The following NRCAM variants were observed in gnomAD, a reference collection of about 807,000 sequenced individuals.
NRCAM encodes neuronal cell adhesion molecule.
NRCAM carries 83 observed loss-of-function variants against 156.5 expected under a neutral mutation model. That is an observed-to-expected ratio of 0.53 (90% CI 0.44 to 0.64). The LOEUF (loss-of-function observed/expected upper bound fraction) is 0.64. Among genes scored for constraint, NRCAM ranks in the 30% least tolerant of loss-of-function variants. The probability of loss-of-function intolerance (pLI) is 0.00; values close to 1 mark genes in which losing one functional copy is unlikely to be tolerated. For synonymous variants in NRCAM, 538 were observed against 563.9 expected (o/e 0.95, Z 0.65); for missense variants, 1,417 against 1,597.3 (o/e 0.89, Z 1.92).
chr7:108,440,180 T>TA (rs944702330), intron 1 of NRCAM, among the ~76,000 whole-genome samples: 25 of 152,168 alleles, frequency 1.6e-4, no homozygotes, highest in African/African-American at 5.8e-4. Context: ...ATACCACTGA[T>TA]ACGTGTTACA....
chr7:108,237,257 A>G (rs1159587873), intron 5 of NRCAM, among the ~76,000 whole-genome samples: 1 of 152,152 alleles, frequency 6.6e-6, no homozygotes, highest in Non-Finnish European at 1.5e-5. Context: ...CAAGATTCAA[A>G]TTCGCTGGGT....
chr7:108,410,379 G>T (rs1793944569), intron 1 of NRCAM, among the ~76,000 whole-genome samples: 1 of 152,116 alleles, frequency 6.6e-6, no homozygotes, highest in South Asian at 2.1e-4. Flanking sequence ...GAAAGACTAG[G>T]GGATAATTTT....
chr7:108,177,716 CGT>C (rs1363325434), intron 26 of NRCAM, among the ~76,000 whole-genome samples: 86 of 31,994 alleles, frequency 2.7e-3, no homozygotes, highest in African/African-American at 3.9e-3. Flanking sequence ...TATATATATA[CGT>C]GTGTATATAT....
intron 1 of NRCAM, among the ~76,000 whole-genome samples, chr7:108,439,501 G>T (rs1310488335): frequency 2.0e-5 from 3 of 152,114 alleles, no homozygotes; most frequent in Admixed American, 6.6e-5. Context: ...AGCCATTAGG[G>T]GAGTGCAAGT....
intron 32 of NRCAM, chr7:108,156,217 G>T: frequency 1.3e-6 from 1 of 786,590 alleles, no homozygotes; most frequent in Non-Finnish European, 1.5e-6. Context: ...ATGAGCATGG[G>T]TTAGCATGCT....
chr7:108,166,543 C>T (rs561932450), intron 30 of NRCAM, among the ~76,000 whole-genome samples: 1 of 151,902 alleles, frequency 6.6e-6, no homozygotes, highest in African/African-American at 2.4e-5. Context: ...CTACCGCGCC[C>T]GGCCAGAATT....
intron 2 of NRCAM, among the ~76,000 whole-genome samples, chr7:108,315,420 T>C (rs2098898651): frequency 6.6e-6 from 1 of 152,204 alleles, no homozygotes; most frequent in Admixed American, 6.5e-5. Flanking sequence ...CAGCCGCTAA[T>C]TCAGCTTGAC....
intron 28 of NRCAM, among the ~76,000 whole-genome samples, chr7:108,173,769 T>C (rs2059433112): frequency 1.3e-5 from 2 of 152,214 alleles, no homozygotes; most frequent in African/African-American, 4.8e-5. Flanking sequence ...TGCTTGTCTC[T>C]CTAATCATAA....
chr7:108,414,904 T>G (rs1386141614), intron 1 of NRCAM, among the ~76,000 whole-genome samples: 2 of 151,964 alleles, frequency 1.3e-5, no homozygotes, highest in African/African-American at 2.4e-5. Flanking sequence ...TGAAGGACAT[T>G]GGGTTTCCCT....
intron 3 of NRCAM, among the ~76,000 whole-genome samples, chr7:108,294,868 T>C (rs1287693923): frequency 6.6e-6 from 1 of 152,148 alleles, no homozygotes; most frequent in Non-Finnish European, 1.5e-5. Flanking sequence ...TGGTGCCAAG[T>C]TGTCTGCCCC....
At position 108,191,261 on chromosome 7, in the gene NRCAM, G is replaced by A. The variant is rs563468799; in HGVS notation, c.1926C>T (p.Pro642=). The change falls in exon 19 of 33, where the codon CCC becomes CCT. Residue 642 remains proline, a synonymous_variant. Coordinates refer to ENST00000379028, the MANE Select transcript of NRCAM (RefSeq NM_001037132.4). Reference sequence around the variant, plus strand: ...AGACTCATATTAGTTTACCGTAAACGGGAGCTGGAGTTGGAGTAGGAGCTA... The same window carrying A: ...AGACTCATATTAGTTTACCGTAAACAGGAGCTGGAGTTGGAGTAGGAGCTA... The part of the protein sequence containing the change: ...SVVAPTPTPA[P]VYDVPNPPFD... The A allele has an allele frequency of 1.6e-5, 25 of 1,605,410 alleles. No homozygotes were observed. Among genetic ancestry groups the A allele is most frequent in the African/African-American group, 1.1e-4 (8 of 74,850 alleles).
intron 1 of NRCAM, among the ~76,000 whole-genome samples, chr7:108,425,089 T>C (rs999566002): frequency 6.6e-6 from 1 of 152,108 alleles, no homozygotes; most frequent in Non-Finnish European, 1.5e-5. Flanking sequence ...TTCATGGAAA[T>C]TTTTTGCAAG....
intron 2 of NRCAM, among the ~76,000 whole-genome samples, chr7:108,364,484 C>T (rs1285450090): frequency 6.6e-6 from 1 of 152,052 alleles, no homozygotes; most frequent in Non-Finnish European, 1.5e-5. Flanking sequence ...TACTATATGA[C>T]CCAGAGATTC....
At chr7:108,362,239 A>G (rs1200704937) in intron 2 of NRCAM, among the ~76,000 whole-genome samples, 1 of 152,206 alleles carries the variant, frequency 6.6e-6, no homozygotes, top group Non-Finnish European at 1.5e-5. Flanking sequence ...CAAGTGGAGA[A>G]AGGAGTGAGG....
At chr7:108,301,889 T>C (rs1349069114) in intron 3 of NRCAM, among the ~76,000 whole-genome samples, 1 of 152,170 alleles carries the variant, frequency 6.6e-6, no homozygotes, top group African/African-American at 2.4e-5. Flanking sequence ...TAGGACACTA[T>C]TTCTGAGACT....
chr7:108,260,936 T>A (rs2096865362), intron 3 of NRCAM, among the ~76,000 whole-genome samples: 1 of 152,094 alleles, frequency 6.6e-6, no homozygotes, highest in Non-Finnish European at 1.5e-5. Context: ...CTAGGTACAT[T>A]GGAAGTATCA....
rs1171457154 is a variant in NRCAM, at chr7:108,382,687, C to A, written c.-174+16749G>T. Among the ~76,000 whole-genome samples, 12 of 152,146 alleles carry A rather than the reference C, an allele frequency of 7.9e-5. No homozygotes were observed. The South Asian group carries it at 2.5e-3, about 31-fold the overall frequency. ...GTAGAGGTACCCTGGCATCTAAGTA[C>A]TAGCACTGAGTCTCCAGATTAAGCA... On this transcript the variant is annotated intron_variant, in intron 2 of 32. Transcript: ENST00000379028.
At chr7:108,213,170 C>T (rs182752622) in intron 11 of NRCAM, among the ~76,000 whole-genome samples, 24 of 152,160 alleles carry the variant, frequency 1.6e-4, no homozygotes, top group African/African-American at 5.8e-4. Flanking sequence ...AGGAAAGATA[C>T]AGTCTTTTTC....
chr7:108,301,050 TAAGG>T (rs1461978191), intron 3 of NRCAM, among the ~76,000 whole-genome samples: 2 of 152,168 alleles, frequency 1.3e-5, no homozygotes, highest in Non-Finnish European at 2.9e-5. Context: ...CACTCCATTA[TAAGG>T]AAGACCATTA....
Sources: gnomAD v4.1 joint callset for allele counts (sites outside exome capture counted in the v4.1 genomes callset) on GRCh38, gnomAD v4.1.1 for gene constraint, MANE v1.5 for transcripts, NCBI Gene and HGNC (gene_info 2026-07-23, HGNC 2026-07-21) for gene names.